Variants in FBXL13 observed in about 807,000 individuals in gnomAD.
The protein encoded by FBXL13 is F-box and leucine-rich repeat protein 13.
FBXL13 carries 67 observed loss-of-function variants against 83.6 expected under a neutral mutation model. The ratio of observed to expected loss-of-function variants is 0.80; its 90% CI spans 0.66 to 0.98. The LOEUF (loss-of-function observed/expected upper bound fraction) is 0.98, where lower values mean the gene tolerates loss of function less well. FBXL13 is among the 50% of genes least tolerant of loss of function. The pLI is 0.00. For missense variants in FBXL13, 822 were observed against 866.5 expected, an observed-to-expected ratio of 0.95 and a Z score of 0.64; for synonymous variants, 272 against 299.5, an observed-to-expected ratio of 0.91 and a Z score of 0.95.
In FBXL13 at chr7:103,074,482, C is replaced by G. The variant is rs181319556; in HGVS notation, c.-341G>C. The stretch of plus-strand genomic sequence containing the variant: ...ATGTCACCCATTCCCCACGTGCAGC[C>G]ACCATCACCCTCTGTTTTCTCTCTA... On this transcript the variant is annotated 5_prime_UTR_variant, in exon 1 of 20. Coordinates refer to ENST00000313221, the Ensembl canonical transcript of FBXL13. 5.6e-5 allele frequency: 64 copies of G among 1,147,048 alleles called. No homozygotes were observed. The East Asian group carries it at 2.7e-3, about 49-fold the overall frequency. The allele number at this position is 1,147,048 out of a possible 1,614,324, so 71.1% of individuals were successfully genotyped here.
chr7:103,021,593 G>A (rs1207510639), intron 6 of FBXL13, among the ~76,000 whole-genome samples: 1 of 152,128 alleles, frequency 6.6e-6, no homozygotes, highest in African/African-American at 2.4e-5. Flanking sequence ...ATCTGGCAAA[G>A]GGCTAATATC....
At chr7:102,935,229 TTTTTTTTTCTTTC>T (rs1276450374) in intron 8 of FBXL13, among the ~76,000 whole-genome samples, 1 of 141,394 alleles carries the variant, frequency 7.1e-6, no homozygotes, top group African/African-American at 2.5e-5. Context: ...CATGCTCCTT[TTTTTTTTTCTTTC>T]TTTTTTTTTT....
At chr7:102,881,672 G>A (rs1270493094) in intron 14 of FBXL13, among the ~76,000 whole-genome samples, 2 of 151,890 alleles carry the variant, frequency 1.3e-5, no homozygotes, top group African/African-American at 4.8e-5. Flanking sequence ...CCCAGTTTCT[G>A]GACCTCAGGG....
exon 18 of FBXL13, chr7:102,832,950 A>C (rs1800980258): frequency 6.2e-7 from 1 of 1,614,212 alleles, no homozygotes; most frequent in Middle Eastern, 1.6e-4. Context: ...AAATGTTCCA[A>C]GATCAGTGAG....
At chr7:102,957,479 G>T (rs1682524875) in intron 8 of FBXL13, among the ~76,000 whole-genome samples, 2 of 152,048 alleles carry the variant, frequency 1.3e-5, no homozygotes, top group Admixed American at 1.3e-4. Context: ...GTATTGGCAA[G>T]GACTTCATGA....
At chr7:103,050,329 C>T (rs1563272799) in intron 2 of FBXL13, among the ~76,000 whole-genome samples, 4 of 152,216 alleles carry the variant, frequency 2.6e-5, no homozygotes, top group African/African-American at 2.4e-5. Context: ...GGCTTTCTTT[C>T]CCTTTCCCTG....
intron 1 of FBXL13, among the ~76,000 whole-genome samples, chr7:103,062,968 TG>T (rs945725598): frequency 1.3e-5 from 2 of 152,218 alleles, no homozygotes; most frequent in African/African-American, 2.4e-5. Context: ...TGACCACTCT[TG>T]CTGTTCCCCA....
chr7:102,875,435 A>C (rs967881513), intron 16 of FBXL13, among the ~76,000 whole-genome samples: 1 of 152,056 alleles, frequency 6.6e-6, no homozygotes, highest in Admixed American at 6.6e-5. Flanking sequence ...AAATGCTGAG[A>C]AATTCATCAT....
intron 6 of FBXL13, among the ~76,000 whole-genome samples, chr7:103,013,407 C>T (rs1791874156): frequency 1.3e-5 from 2 of 152,276 alleles, no homozygotes; most frequent in South Asian, 4.1e-4. Flanking sequence ...TCTCAGCAAA[C>T]TCCCAAAAAC....
exon 16 of FBXL13, chr7:102,877,477 A>T: frequency 1.9e-6 from 3 of 1,597,394 alleles, no homozygotes; most frequent in Non-Finnish European, 2.6e-6. Flanking sequence ...CTCATTAGAG[A>T]TGTCTGTTCC....
intron 17 of FBXL13, among the ~76,000 whole-genome samples, chr7:102,838,343 T>G (rs1246593856): frequency 6.6e-6 from 1 of 152,182 alleles, no homozygotes; most frequent in East Asian, 1.9e-4. Context: ...GAACAGTACC[T>G]TGCACATAGT....
At chr7:103,029,997 TAAGTA>T (rs1481714312) in intron 2 of FBXL13, 6 of 152,200 alleles carry the variant, frequency 3.9e-5, no homozygotes, top group African/African-American at 1.4e-4. Flanking sequence ...CATTCTTTAA[TAAGTA>T]AAGATATTAT....
chr7:103,038,521 C>G (rs1382460175), intron 2 of FBXL13, among the ~76,000 whole-genome samples: 2 of 151,298 alleles, frequency 1.3e-5, no homozygotes, highest in East Asian at 3.9e-4. Flanking sequence ...AAGCAGGTCC[C>G]TGACCCCCAT....
chr7:103,019,055 T>C (rs1792776494), intron 6 of FBXL13, among the ~76,000 whole-genome samples: 1 of 152,138 alleles, frequency 6.6e-6, no homozygotes, highest in African/African-American at 2.4e-5. Context: ...TATTCCAAAA[T>C]TGATCACATA....
At chr7:102,965,807 G>A (rs1825912503) in intron 7 of FBXL13, among the ~76,000 whole-genome samples, 1 of 152,110 alleles carries the variant, frequency 6.6e-6, no homozygotes, top group African/African-American at 2.4e-5. Flanking sequence ...CAACAAACGT[G>A]GTCATTTATG....
chr7:103,025,284 G>C, intron 5 of FBXL13, 54 bp from the exon 7 acceptor site: 2 of 1,195,380 alleles, frequency 1.7e-6, no homozygotes, highest in Non-Finnish European at 1.2e-6. Flanking sequence ...GGTCAAGAGA[G>C]ATGACAGACA....
At chr7:103,002,424 T>C (rs1436854762) in intron 6 of FBXL13, among the ~76,000 whole-genome samples, 1 of 152,246 alleles carries the variant, frequency 6.6e-6, no homozygotes. Flanking sequence ...GGCTTCATAC[T>C]AGAGATGAGT....
At chr7:103,017,660 A>G (rs1792533665) in intron 6 of FBXL13, among the ~76,000 whole-genome samples, 1 of 152,254 alleles carries the variant, frequency 6.6e-6, no homozygotes, top group Admixed American at 6.5e-5. Flanking sequence ...CCATGACACG[A>G]GAAATATGTG....
intron 11 of FBXL13, among the ~76,000 whole-genome samples, chr7:102,889,776 C>G (rs191589636): frequency 1.6e-3 from 240 of 152,214 alleles, no homozygotes; most frequent in African/African-American, 5.6e-3. Context: ...ATTCTAAATT[C>G]CCCCCATTCC....
Sources: allele counts gnomAD v4.1 joint callset (sites outside exome capture counted in the v4.1 genomes callset), GRCh38; gene constraint gnomAD v4.1.1; transcripts MANE v1.5; gene names NCBI Gene and HGNC (gene_info 2026-07-23, HGNC 2026-07-21).